ATAD2B: variants seen among roughly 807,000 people sequenced by gnomAD.
ATAD2B encodes ATPase family AAA domain containing 2B.
In ATAD2B, 40 loss-of-function variants were observed where a neutral mutation model predicts 167.6. That is an observed-to-expected ratio of 0.24 (90% CI 0.19 to 0.31). The LOEUF (loss-of-function observed/expected upper bound fraction) is 0.31. ATAD2B is among the 10% of genes least tolerant of loss of function. ATAD2B has a pLI of 1.00. For missense variants in ATAD2B, 1,242 were observed against 1,757.2 expected, an observed-to-expected ratio of 0.71 and a Z score of 5.24; for synonymous variants, 579 against 596.5, an observed-to-expected ratio of 0.97 and a Z score of 0.43.
At chr2:23,755,680 A>G (rs895934300) in intron 25 of ATAD2B, among the ~76,000 whole-genome samples, 2 of 152,176 alleles carry the variant, frequency 1.3e-5, no homozygotes, top group African/African-American at 4.8e-5. Context: ...ATCCTACATT[A>G]GTCCTCTTAT....
intron 1 of ATAD2B, among the ~76,000 whole-genome samples, chr2:23,912,687 A>C (rs145832889): frequency 0.011 from 1,643 of 152,302 alleles, 17 homozygotes; most frequent in Middle Eastern, 0.037. Context: ...AACAACAAAA[A>C]TTAGGTAGAA....
At chr2:23,682,683 C>T in the ATAD2B span, among the ~76,000 whole-genome samples, 1 of 151,308 alleles carries the variant, frequency 6.6e-6, no homozygotes, top group Admixed American at 6.6e-5. The surrounding 1 kb of genome is among the most constrained non-coding windows in gnomAD (Gnocchi z 4.1). Flanking sequence ...CCCTCCCACA[C>T]CCTCCCGCAC....
At chr2:23,806,966 T>C (rs774370892) in intron 18 of ATAD2B, among the ~76,000 whole-genome samples, 4 of 152,212 alleles carry the variant, frequency 2.6e-5, no homozygotes, top group Non-Finnish European at 5.9e-5. Context: ...CTTCTTCCTC[T>C]AAAGCTCCAC....
chr2:23,887,752 G>T, intron 4 of ATAD2B, 80 bp downstream of exon 4: 3 of 1,288,582 alleles, frequency 2.3e-6, no homozygotes, highest in Non-Finnish European at 3.2e-6. Context: ...CTAAGTCGTT[G>T]CTTATGTTAT....
At chr2:23,693,414 C>G in the ATAD2B span, 2 of 1,551,754 alleles carry the variant, frequency 1.3e-6, no homozygotes, top group Admixed American at 2.0e-5. Flanking sequence ...TCAGCATCTC[C>G]AAGGACGACT....
At chr2:23,879,688 T>A (rs528912458) in intron 7 of ATAD2B, among the ~76,000 whole-genome samples, 1 of 152,198 alleles carries the variant, frequency 6.6e-6, no homozygotes, top group Admixed American at 6.5e-5. Context: ...AACAACTAAG[T>A]TATTGGCCAA....
At chr2:23,895,242 C>T (rs1049728368) in intron 2 of ATAD2B, among the ~76,000 whole-genome samples, 3 of 152,024 alleles carry the variant, frequency 2.0e-5, no homozygotes, top group Non-Finnish European at 2.9e-5. Flanking sequence ...TAAATCTTTT[C>T]TATGTGTGTG....
chr2:23,680,972 G>A, the ATAD2B span, among the ~76,000 whole-genome samples: 23 of 152,282 alleles, frequency 1.5e-4, no homozygotes, highest in Middle Eastern at 3.4e-3. The surrounding 1 kb of genome is among the most constrained non-coding windows in gnomAD (Gnocchi z 4.1). Context: ...CCCAGACCCC[G>A]CAGCAATCCC....
the ATAD2B span, among the ~76,000 whole-genome samples, chr2:23,724,122 G>A: frequency 6.6e-6 from 1 of 152,148 alleles, no homozygotes; most frequent in African/African-American, 2.4e-5. Context: ...AGACTGGGAA[G>A]GGTAGAGGGA....
In ATAD2B at chr2:23,786,108, C is replaced by T; in HGVS notation, c.2892G>A (p.Arg964=). The T allele has an allele frequency of 6.2e-7, 1 of 1,611,358 alleles. No individual in the cohort carries two copies. Among genetic ancestry groups the T allele is most frequent in the Non-Finnish European group, 8.5e-7 (1 of 1,178,728 alleles). Residue 964 remains arginine (R), a synonymous_variant, in exon 21 of 28, where the codon CGG becomes CGA. Coordinates refer to ENST00000238789, the MANE Select transcript of ATAD2B (RefSeq NM_017552.4). ...DQEENTLREL[R]LFLRDVTKRL... The stretch of plus-strand genomic sequence containing the variant: ...TCTTGGTTACATCCCTGAGAAACAA[C>T]CGCAACTCTCTTAAAGTATTTTCCT...
intron 10 of ATAD2B, among the ~76,000 whole-genome samples, chr2:23,865,404 C>G (rs945220070): frequency 1.3e-5 from 2 of 151,974 alleles, no homozygotes; most frequent in Non-Finnish European, 2.9e-5. Context: ...TGGCGCACGC[C>G]TGTAATCCCA....
chr2:23,903,961 T>C (rs989923483), intron 1 of ATAD2B, among the ~76,000 whole-genome samples: 3 of 151,876 alleles, frequency 2.0e-5, no homozygotes, highest in Non-Finnish European at 4.4e-5. Flanking sequence ...GTGGTGGTGG[T>C]AGTGGTGATG....
downstream of ATAD2B, chr2:23,748,557 T>G (rs1675044432): frequency 6.6e-6 from 1 of 152,172 alleles, no homozygotes; most frequent in Non-Finnish European, 1.5e-5. Context: ...ACTTTTTGGG[T>G]GCTTAATAAC....
At chr2:23,685,630 C>T in the ATAD2B span, among the ~76,000 whole-genome samples, 4 of 152,370 alleles carry the variant, frequency 2.6e-5, no homozygotes, top group South Asian at 4.1e-4. Context: ...GGCCACATGC[C>T]GGCCCTCAGC....
At chr2:23,791,360 C>T (rs927675401) in intron 19 of ATAD2B, among the ~76,000 whole-genome samples, 3 of 152,158 alleles carry the variant, frequency 2.0e-5, no homozygotes, top group African/African-American at 7.2e-5. Context: ...AGTGGCTGCA[C>T]CATTTTACAA....
intron 17 of ATAD2B, among the ~76,000 whole-genome samples, chr2:23,812,760 G>A (rs1299340409): frequency 1.3e-5 from 2 of 149,152 alleles, no homozygotes; most frequent in Non-Finnish European, 3.0e-5. Context: ...CTACTCAGAA[G>A]ATAGAGGCAG....
rs527950049 is a variant in ATAD2B, at chr2:23,749,450, C to T, written c.*2596G>A. The stretch of plus-strand genomic sequence containing the variant: ...AATGCTATACAGCAAAAATGAAAAA[C>T]TTACAGAAAGGTAAACAAAATTGAG... On this transcript the variant is annotated 3_prime_UTR_variant, in exon 28 of 28. Transcript: ENST00000238789. 3.3e-5 allele frequency: 5 copies of T among 152,238 alleles called. No individual in the cohort carries two copies. The East Asian group carries it at 7.7e-4, about 23-fold the overall frequency. 9.4% of individuals were successfully genotyped at this position (152,238 alleles called of 1,614,324 possible).
Position 23,869,771 on chromosome 2 carries a change from G to C in ATAD2B, c.978-10C>G. On this transcript the variant is annotated splice_polypyrimidine_tract_variant and intron_variant, in intron 8 of 27. Coordinates refer to ENST00000238789, the MANE Select transcript of ATAD2B (RefSeq NM_017552.4). Reference sequence around the variant, plus strand: ...GGCATGCTTCTTTCTCCTATTTAAAGAGAGTAAAATCCTTAAAACCATTAT... The same window carrying C: ...GGCATGCTTCTTTCTCCTATTTAAACAGAGTAAAATCCTTAAAACCATTAT... The C allele has an allele frequency of 6.5e-7, 1 of 1,536,214 alleles. No individual in the cohort carries two copies.
chr2:23,680,288 C>T, the ATAD2B span, among the ~76,000 whole-genome samples: 6 of 152,180 alleles, frequency 3.9e-5, no homozygotes, highest in Admixed American at 6.5e-5. The surrounding 1 kb of genome is among the most constrained non-coding windows in gnomAD (Gnocchi z 4.1). Flanking sequence ...CTGCGGATTG[C>T]GGGCAGTGGA....
Sources: allele counts gnomAD v4.1 joint callset (sites outside exome capture counted in the v4.1 genomes callset), GRCh38; gene constraint gnomAD v4.1.1; non-coding constraint Gnocchi (gnomAD v3.1); transcripts MANE v1.5; gene names NCBI Gene and HGNC (gene_info 2026-07-23, HGNC 2026-07-21).